TDRD9: variants seen among roughly 807,000 people sequenced by gnomAD.
The protein encoded by TDRD9 is ATP-dependent RNA helicase TDRD9.
Under a neutral mutation model 172.6 loss-of-function variants are expected in TDRD9, and 124 were observed. That is an observed-to-expected ratio of 0.72 (90% confidence interval 0.62 to 0.83). TDRD9 has a LOEUF of 0.83. TDRD9 is among the 40% of genes least tolerant of loss of function. The pLI, the probability that TDRD9 is intolerant of heterozygous loss-of-function variation, is 0.00. For missense variants in TDRD9, 1,479 were observed against 1,714.1 expected (o/e 0.86, Z 2.42); for synonymous variants, 619 against 617.1 (o/e 1.00, Z -0.05).
In TDRD9 at chr14:103,935,748, G is replaced by C. The variant is rs151276484; in HGVS notation, c.215+7024G>C. ...AGGAGACTGAGAACAAGTGGTCAGAGGGACACCAGGTGAGTGAGGCCCACT... is the reference window on the plus strand; with the variant it reads ...AGGAGACTGAGAACAAGTGGTCAGACGGACACCAGGTGAGTGAGGCCCACT... On this transcript the variant is annotated intron_variant, in intron 1 of 35. Transcript: ENST00000409874. 4.4e-3 allele frequency among the ~76,000 whole-genome samples: 663 copies of C among 152,224 alleles called. 5 individuals carry two copies. The highest frequency in any genetic ancestry group is 0.015 in the African/African-American group (627 of 41,532).
chr14:103,952,729 CTTTT>C (rs68192057), intron 1 of TDRD9, among the ~76,000 whole-genome samples: 1 of 72,320 alleles, frequency 1.4e-5, no homozygotes, highest in African/African-American at 6.0e-5. Flanking sequence ...AATTCTCTCT[CTTTT>C]TTTTTTTTTT....
chr14:104,046,836 CG>C (rs1297031855), intron 34 of TDRD9, among the ~76,000 whole-genome samples: 1 of 151,926 alleles, frequency 6.6e-6, no homozygotes, highest in Non-Finnish European at 1.5e-5. Context: ...TTAGTAGAGA[CG>C]GGGTTTCACT....
At chr14:103,971,205 G>C (rs1054941707) in intron 6 of TDRD9, among the ~76,000 whole-genome samples, 1 of 151,932 alleles carries the variant, frequency 6.6e-6, no homozygotes, top group East Asian at 1.9e-4. Context: ...GGATGGTCTT[G>C]ATCTCCTGAC....
At chr14:104,004,454 C>T in intron 14 of TDRD9, 119 bp downstream of exon 14, 1 of 533,886 alleles carries the variant, frequency 1.9e-6, no homozygotes, top group Non-Finnish European at 3.4e-6. Context: ...GATCTTGGCT[C>T]ACTGCAATCT....
rs1325515962 is a variant in TDRD9 at position 104,040,361 on chromosome 14, C to T, written c.3855+27C>T. 6.0e-6 allele frequency: 9 copies of T among 1,511,264 alleles called. No individual in the cohort carries two copies. In the East Asian group the frequency reaches 2.0e-4, roughly 34 times the overall value. 93.6% of individuals were successfully genotyped at this position (1,511,264 alleles called of 1,614,324 possible). On this transcript the variant is annotated intron_variant, in intron 33 of 35. Coordinates refer to ENST00000409874, the MANE Select transcript of TDRD9 (RefSeq NM_153046.3). ...TAAGGGTAGTGCAGCATCACGGCAC[C>T]ACAACCCTGTCTCTCTCTGGTTTTG...
At chr14:103,947,784 T>A (rs547459437) in intron 1 of TDRD9, among the ~76,000 whole-genome samples, 2 of 152,270 alleles carry the variant, frequency 1.3e-5, no homozygotes, top group East Asian at 3.9e-4. Flanking sequence ...AGGGGAAAAC[T>A]GAGGGCACAA....
intron 34 of TDRD9, among the ~76,000 whole-genome samples, chr14:104,043,446 G>A (rs985757397): frequency 6.6e-6 from 1 of 151,904 alleles, no homozygotes; most frequent in Non-Finnish European, 1.5e-5. Context: ...TCACCATGTT[G>A]GTCAGGTGAA....
In TDRD9 at chr14:103,980,251, C is replaced by T. The variant is rs984648063; in HGVS notation, c.1011+4698C>T. 1.3e-5 allele frequency among the ~76,000 whole-genome samples: 2 copies of T among 152,014 alleles called. No individual in the cohort carries two copies. Among genetic ancestry groups the T allele is most frequent in the Non-Finnish European group, 2.9e-5 (2 of 68,018 alleles). ...GACCACTACCACCAAGACGCAGAGA[C>T]CAGTAGTGGCCCCGAATGCCAGGCT... On this transcript the variant is annotated intron_variant, in intron 7 of 35. Transcript: ENST00000409874. This position sits in a 1 kb window ranked among gnomAD's most constrained non-coding sequence, Gnocchi z 4.5.
In TDRD9 at chr14:104,026,701, A is replaced by G. The variant is rs371508102; in HGVS notation, c.3044A>G (p.Lys1015Arg). 1 of 1,614,052 alleles carries G rather than the reference A, an allele frequency of 6.2e-7. No homozygotes were observed. Among genetic ancestry groups the G allele is most frequent in the Middle Eastern group, 1.6e-4 (1 of 6,062 alleles). The change falls in exon 28 of 36, where the codon AAA becomes AGA. Residue 1015 changes from lysine to arginine, a missense_variant. Around this residue, in one of 3 missense-constraint regions of TDRD9, gnomAD observed 1,413 missense variants for 1,649.1 expected, o/e 0.86. Coordinates refer to ENST00000409874, the MANE Select transcript of TDRD9 (RefSeq NM_153046.3). ...PFQALEFKIC[K>R]MRPSAKSLVC... is the part of the protein sequence containing the mutation. ...TAGGCTTTGGAATTTAAGATTTGCA[A>G]AATGAGACCATCAGCAAAGTCTCTT...
At chr14:104,004,183 T>C in intron 13 of TDRD9, 55 bp from the exon 14 acceptor site, 2 of 827,900 alleles carry the variant, frequency 2.4e-6, no homozygotes, top group East Asian at 2.5e-5. Flanking sequence ...GATACCTTCA[T>C]GCTGATGTTA....
intron 8 of TDRD9, among the ~76,000 whole-genome samples, chr14:103,987,117 A>AATAT (rs374594027): frequency 0.032 from 4,376 of 134,760 alleles, 81 homozygotes; most frequent in South Asian, 0.051. Context: ...CATCTCAAAA[A>AATAT]ATATATACAC....
Position 104,032,098 on chromosome 14 carries a change from C to T in TDRD9, c.3509+11C>T, listed in dbSNP as rs371317924. On this transcript the variant is annotated intron_variant, in intron 30 of 35. Coordinates refer to ENST00000409874, the MANE Select transcript of TDRD9 (RefSeq NM_153046.3). Reference sequence around the variant, plus strand: ...AATATCCAAATTCAGGTATGATTAACTTAAGTTTTCCATGAATTTTTTTTC... The same window carrying T: ...AATATCCAAATTCAGGTATGATTAATTTAAGTTTTCCATGAATTTTTTTTC... 6.6e-7 allele frequency: 1 copy of T among 1,525,228 alleles called. No individual in the cohort carries two copies. The highest frequency in any genetic ancestry group is 2.5e-5 in the East Asian group (1 of 40,756). 94.5% of individuals were successfully genotyped at this position (1,525,228 alleles called of 1,614,324 possible).
chr14:104,016,093 G>A lies in TDRD9; in HGVS notation c.2331+5G>A, dbSNP rs997676095. 1 of 1,589,622 alleles carries A rather than the reference G, an allele frequency of 6.3e-7. No homozygotes were observed. Among genetic ancestry groups the A allele is most frequent in the Admixed American group, 1.8e-5 (1 of 56,874 alleles). On this transcript the variant is annotated splice_donor_5th_base_variant and intron_variant, in intron 22 of 35. Coordinates refer to ENST00000409874, the MANE Select transcript of TDRD9 (RefSeq NM_153046.3). ...GACCCCAAGACAACTGTCGTGGTAG[G>A]TGCTGGGGGCAGGCCGTCCTCTCTG...
At chr14:103,941,099 G>A in intron 1 of TDRD9, 7 of 1,532,120 alleles carry the variant, frequency 4.6e-6, no homozygotes, top group South Asian at 1.2e-5. Context: ...AAAACTTCTC[G>A]AAATCTAGAG....
intron 3 of TDRD9, 136 bp from the exon 4 acceptor site, chr14:103,965,197 G>A: frequency 4.5e-6 from 4 of 891,386 alleles, no homozygotes; most frequent in Non-Finnish European, 6.7e-6. Flanking sequence ...GGGCAACAGA[G>A]CGAGACTCCA....
intron 7 of TDRD9, 122 bp downstream of exon 7, chr14:103,975,675 C>A: frequency 1.0e-6 from 1 of 953,656 alleles, no homozygotes; most frequent in Non-Finnish European, 1.5e-6. Flanking sequence ...TTGATGCATA[C>A]TAAGTGTACA....
At chr14:104,025,913 T>TA (rs2035102848) in intron 26 of TDRD9, 134 bp from the exon 27 acceptor site, 1 of 969,124 alleles carries the variant, frequency 1.0e-6, no homozygotes, top group Non-Finnish European at 1.6e-6. Context: ...CCCTCATTGA[T>TA]ATGTGGATTT....
chr14:103,968,562 G>A (rs1486065542), intron 5 of TDRD9, among the ~76,000 whole-genome samples: 2 of 151,566 alleles, frequency 1.3e-5, no homozygotes, highest in Admixed American at 6.6e-5. Flanking sequence ...CGAGGTGGGC[G>A]GATCACGAGG....
At chr14:104,000,013 A>G (rs1595968087) in intron 13 of TDRD9, among the ~76,000 whole-genome samples, 1 of 152,130 alleles carries the variant, frequency 6.6e-6, no homozygotes, top group African/African-American at 2.4e-5. Context: ...GGTTAAGAGA[A>G]TGACTAAGCA....
Sources: gnomAD v4.1 joint callset for allele counts (sites outside exome capture counted in the v4.1 genomes callset) on GRCh38, gnomAD v4.1.1 for gene constraint, gnomAD v4.1.1 regional missense constraint, Gnocchi (gnomAD v3.1) non-coding constraint, MANE v1.5 for transcripts, NCBI Gene and HGNC (gene_info 2026-07-23, HGNC 2026-07-21) for gene names.